PER3: variants seen among roughly 807,000 people sequenced by gnomAD.
PER3 encodes the protein period circadian protein homolog 3.
In PER3, 107 loss-of-function variants were observed where a neutral mutation model predicts 127.2. The observed-to-expected ratio is 0.84, with a 90% CI of 0.72 to 0.99. PER3 has a LOEUF of 0.99. Ranked by LOEUF, PER3 falls within the 50% of genes least tolerant of loss-of-function variation. PER3 has a pLI of 0.00. For missense variants in PER3, 1,560 were observed against 1,525.8 expected, an observed-to-expected ratio of 1.02 and a Z score of -0.37; for synonymous variants, 618 against 585.8, an observed-to-expected ratio of 1.05 and a Z score of -0.79.
chr1:7,820,548 A>G lies in PER3; in HGVS notation c.1865A>G (p.Gln622Arg). ...RSIDTGGGAP[Q>R]ILSTAMLSLG... ...ATAGACACAGGAGGAGGAGCTCCAC[A>G]GATCCTGTCCACGGCGATGCTGAGC... Residue 622 changes from glutamine to arginine, a missense_variant, in exon 16 of 22, where the codon CAG becomes CGG. Transcript: ENST00000377532. 1 of 1,614,128 alleles carries G rather than the reference A, an allele frequency of 6.2e-7. No homozygotes were observed. Among genetic ancestry groups the G allele is most frequent in the Non-Finnish European group, 8.5e-7 (1 of 1,179,962 alleles).
At position 7,827,344 on chromosome 1, in the gene PER3, C is replaced by G. The variant is rs35733104; in HGVS notation, c.2415C>G (p.Tyr805Ter). ...CCATGGTGCCCAGCCAGGCCCCTTA[C>G]CTCGTCCCAGCTTTTCCCCTCCCAG... is the stretch of plus-strand genomic sequence containing the variant. The part of the protein sequence containing the change: ...PAAMVPSQAP[Y>*]LVPAFPLPAA... Residue 805 changes from tyrosine to a stop codon, truncating the protein, a stop_gained, in exon 18 of 22, where the codon TAC (tyrosine) becomes TAG (stop). Coordinates refer to ENST00000377532, the MANE Select transcript of PER3 (RefSeq NM_001377275.1). LOFTEE classifies it high-confidence loss of function. 4.3e-6 allele frequency: 7 copies of G among 1,614,076 alleles called. No individual in the cohort carries two copies. Among genetic ancestry groups the G allele is most frequent in the Non-Finnish European group, 5.9e-6 (7 of 1,180,004 alleles).
At position 7,835,883 on chromosome 1, in the gene PER3, C is replaced by A; in HGVS notation, c.3336C>A (p.Pro1112=). Reference sequence around the variant, plus strand: ...CATTTCCTAATGTCGCCGAAGAGCCCATCTGGAGAATGATACGGCAGACAC... The same window carrying A: ...CATTTCCTAATGTCGCCGAAGAGCCAATCTGGAGAATGATACGGCAGACAC... ...KETFPNVAEE[P]IWRMIRQTPE... is the part of the protein sequence containing the mutation. Residue 1112 remains proline (P), a synonymous_variant, in exon 20 of 22, where the codon CCC becomes CCA. Transcript: ENST00000377532. 1 of 1,611,414 alleles carries A rather than the reference C, an allele frequency of 6.2e-7. No individual in the cohort carries two copies. Among genetic ancestry groups the A allele is most frequent in the Middle Eastern group, 1.6e-4 (1 of 6,062 alleles).
At chr1:7,837,250 T>C in intron 21 of PER3, 101 bp downstream of exon 21, 1 of 919,228 alleles carries the variant, frequency 1.1e-6, no homozygotes, top group Non-Finnish European at 1.7e-6. Flanking sequence ...AAAACTTTAA[T>C]CCTCACAGTT....
At chr1:7,833,168 A>C (rs2097341197) in intron 19 of PER3, among the ~76,000 whole-genome samples, 1 of 152,216 alleles carries the variant, frequency 6.6e-6, no homozygotes, top group Non-Finnish European at 1.5e-5. Context: ...AAATTTACCA[A>C]GACATTGTGT....
In PER3 at chr1:7,836,821, GA is replaced by G. The variant is rs958866062; in HGVS notation, c.3399-172del. 1.4e-5 allele frequency: 7 copies of G among 484,292 alleles called. No homozygotes were observed. In the East Asian group the frequency reaches 2.1e-4, roughly 15 times the overall value. The allele number at this position is 484,292 out of a possible 1,614,324, so 30.0% of individuals were successfully genotyped here. A position where few individuals can be genotyped will look rare whatever the true frequency, so the allele number is the denominator to read the frequency against. On this transcript the variant is annotated intron_variant, in intron 20 of 21. Coordinates refer to ENST00000377532, the MANE Select transcript of PER3 (RefSeq NM_001377275.1). ...ACATCATATAGATATTTTCCACCAA[GA>G]AAAAAGCCTTTACCAACTTGAAAAG...
Position 7,795,921 on chromosome 1 carries a change from C to T in PER3, c.644+1913C>T, listed in dbSNP as rs117028308. ...AACCCCCTCTTCCCAGGTTACCAGA[C>T]AGCGTAGCTCAGATCTCGTCTGATT... On this transcript the variant is annotated intron_variant, in intron 6 of 21. Transcript: ENST00000377532. 2.3e-4 allele frequency among the ~76,000 whole-genome samples: 35 copies of T among 152,358 alleles called. No individual in the cohort carries two copies. The East Asian group carries it at 6.7e-3, about 29-fold the overall frequency.
chr1:7,829,732 A>G, intron 18 of PER3, 102 bp from the exon 19 acceptor site: 2 of 933,984 alleles, frequency 2.1e-6, no homozygotes, highest in Non-Finnish European at 3.3e-6. Flanking sequence ...GGTTGACCAC[A>G]GGTAACTGAA....
At chr1:7,833,218 G>T (rs1018271796) in intron 19 of PER3, among the ~76,000 whole-genome samples, 11 of 152,106 alleles carry the variant, frequency 7.2e-5, no homozygotes, top group Admixed American at 7.2e-4. Flanking sequence ...AATGTTTCAT[G>T]TGCATTTGAA....
In PER3 at chr1:7,801,106, T is replaced by TC. The variant is rs750243133; in HGVS notation, c.794-5dup. ...CTTTAAATGGGTCTTTGTTTTTTTT[T>TC]CCTTAGCTCCTCGGATCCCAGTGAA... On this transcript the variant is annotated splice_region_variant and splice_polypyrimidine_tract_variant and intron_variant, in intron 7 of 21. Transcript: ENST00000377532. 1.9e-5 allele frequency: 30 copies of TC among 1,590,386 alleles called. No homozygotes were observed. The East Asian group carries it at 6.3e-4, about 33-fold the overall frequency.
rs761440738 is a variant in PER3, at chr1:7,827,175, G to A, written c.2246G>A (p.Arg749Gln). The part of the protein sequence containing the change: ...SAGCRKGKHK[R>Q]KKLPEPPDSS... ...GGCTGCAGGAAAGGGAAGCACAAGC[G>A]GAAGAAGCTGCCGGAGCCGCCAGAC... The change falls in exon 18 of 22, where the codon CGG becomes CAG. Residue 749 changes from arginine to glutamine, a missense_variant. Transcript: ENST00000377532. The A allele has an allele frequency of 1.6e-5, 26 of 1,612,424 alleles. No individual in the cohort carries two copies. The highest frequency in any genetic ancestry group is 1.1e-4 in the East Asian group (5 of 44,836).
At chr1:7,807,252 C>A (rs2097199062) in intron 10 of PER3, among the ~76,000 whole-genome samples, 1 of 152,130 alleles carries the variant, frequency 6.6e-6, no homozygotes, top group African/African-American at 2.4e-5. Context: ...TTGCCACAGA[C>A]ATATGGTGTA....
chr1:7,832,969 C>G (rs550240307), intron 19 of PER3, among the ~76,000 whole-genome samples: 1 of 152,086 alleles, frequency 6.6e-6, no homozygotes, highest in African/African-American at 2.4e-5. Flanking sequence ...TCCTGAGTAG[C>G]TGGAACTGCA....
intron 14 of PER3, 126 bp from the exon 15 acceptor site, chr1:7,819,989 G>GAAGACACC: frequency 1.1e-6 from 1 of 919,360 alleles, no homozygotes; most frequent in Non-Finnish European, 1.7e-6. Flanking sequence ...GATGGTCAGG[G>GAAGACACC]AAGACTTTAT....
rs1395689390 is a variant in PER3 at position 7,843,482 on chromosome 1, AT to A, written c.*728del. 2.0e-5 allele frequency: 3 copies of A among 152,392 alleles called. No individual in the cohort carries two copies. Among genetic ancestry groups the A allele is most frequent in the Non-Finnish European group, 4.4e-5 (3 of 68,050 alleles). 9.4% of individuals were successfully genotyped at this position (152,392 alleles called of 1,614,324 possible). A position where few individuals can be genotyped will look rare whatever the true frequency, so the allele number is the denominator to read the frequency against. Reference sequence around the variant, plus strand: ...TAGCATTTGCATGTGTAATATTAAAATGAAAGAGCTTCTTACCCAGTGCTGT... The same window carrying A: ...TAGCATTTGCATGTGTAATATTAAAAGAAAGAGCTTCTTACCCAGTGCTGT... On this transcript the variant is annotated 3_prime_UTR_variant, in exon 22 of 22. Coordinates refer to ENST00000377532, the MANE Select transcript of PER3 (RefSeq NM_001377275.1).
chr1:7,819,034 C>A (rs1260714819), intron 13 of PER3, among the ~76,000 whole-genome samples: 1 of 152,190 alleles, frequency 6.6e-6, no homozygotes, highest in African/African-American at 2.4e-5. Context: ...ATTTTTGTTT[C>A]ATTCCTTATT....
intron 6 of PER3, among the ~76,000 whole-genome samples, 159 bp from the exon 7 acceptor site, chr1:7,798,366 G>A (rs1223532765): frequency 6.6e-6 from 1 of 152,174 alleles, no homozygotes; most frequent in Admixed American, 6.5e-5. Flanking sequence ...GAAAATTTAA[G>A]CTAACATATT....
At position 7,785,493 on chromosome 1, in the gene PER3, G is replaced by A. The variant is rs535298229; in HGVS notation, c.181G>A (p.Glu61Lys). The change falls in exon 3 of 22, where the codon GAA becomes AAA. Residue 61 changes from glutamate (E) to lysine (K), a missense_variant. This residue lies in a region of PER3 where 1,332 missense variants were observed against 1,223.6 expected (regional missense o/e 1.09). Coordinates refer to ENST00000377532, the MANE Select transcript of PER3 (RefSeq NM_001377275.1). The part of the protein sequence containing the change: ...VSEELIMVVQ[E>K]MKKYFPSERR... ...TGAAGAACTTATCATGGTTGTCCAA[G>A]AAATGAAAAAATACTTCCCCTCGGA... 16 of 1,612,254 alleles carry A rather than the reference G, an allele frequency of 9.9e-6. No homozygotes were observed. Among genetic ancestry groups the A allele is most frequent in the South Asian group, 3.3e-5 (3 of 91,046 alleles).
At chr1:7,818,542 A>G (rs957574283) in intron 13 of PER3, among the ~76,000 whole-genome samples, 21 of 152,270 alleles carry the variant, frequency 1.4e-4, no homozygotes, top group African/African-American at 4.8e-4. Context: ...ATTTTCTGTT[A>G]TCTTTCCAGC....
chr1:7,825,113 C>CT (rs1234271756), intron 16 of PER3, among the ~76,000 whole-genome samples: 1 of 151,928 alleles, frequency 6.6e-6, no homozygotes, highest in Non-Finnish European at 1.5e-5. Context: ...GCAAAGCCCC[C>CT]TGTGGTGCTC....
Sources: allele counts gnomAD v4.1 joint callset (sites outside exome capture counted in the v4.1 genomes callset), GRCh38; gene constraint gnomAD v4.1.1; regional missense constraint gnomAD v4.1.1; transcripts MANE v1.5; gene names NCBI Gene and HGNC (gene_info 2026-07-23, HGNC 2026-07-21).